The following IL1RAPL1 variants were observed in gnomAD, a reference collection of about 807,000 sequenced individuals.
IL1RAPL1 encodes interleukin-1 receptor accessory protein-like 1.
A neutral mutation model predicts 48.4 loss-of-function variants in IL1RAPL1; 3 were observed. The ratio of observed to expected loss-of-function variants is 0.06; its 90% CI spans 0.03 to 0.16. The LOEUF (loss-of-function observed/expected upper bound fraction) is 0.16. Ranked by LOEUF, IL1RAPL1 falls within the 10% of genes least tolerant of loss-of-function variation. The probability of loss-of-function intolerance (pLI) is 1.00; values close to 1 mark genes in which losing one functional copy is unlikely to be tolerated. For missense variants in IL1RAPL1, 349 were observed against 530.6 expected (o/e 0.66, Z 3.36); for synonymous variants, 185 against 187.7 (o/e 0.99, Z 0.12).
At chrX:28,745,734 A>G (rs1037329815) in intron 1 of IL1RAPL1, among the ~76,000 whole-genome samples, 2 of 111,835 alleles carry the variant, frequency 1.8e-5, no homozygotes, top group Non-Finnish European at 3.8e-5. Flanking sequence ...TTGAAGTAGA[A>G]CAGACTAATA....
chrX:29,819,445 C>G (rs1339182600), intron 6 of IL1RAPL1, among the ~76,000 whole-genome samples: 1 of 111,398 alleles, frequency 9.0e-6, no homozygotes, highest in African/African-American at 3.3e-5. Context: ...TCCTCAACTG[C>G]TTTAATACCA....
intron 2 of IL1RAPL1, among the ~76,000 whole-genome samples, chrX:29,227,779 C>A (rs1458837344): frequency 9.0e-6 from 1 of 111,388 alleles, no homozygotes; most frequent in Admixed American, 9.6e-5. Flanking sequence ...AGACAGAGAA[C>A]CATTTCCTAT....
intron 3 of IL1RAPL1, among the ~76,000 whole-genome samples, chrX:29,329,728 G>A (rs1230859487): frequency 1.8e-5 from 2 of 108,262 alleles, no homozygotes; most frequent in African/African-American, 3.4e-5. Flanking sequence ...CAGGAGAATC[G>A]CTTGAACCCA....
chrX:28,852,599 C>G (rs1185977615), intron 2 of IL1RAPL1, among the ~76,000 whole-genome samples: 1 of 111,131 alleles, frequency 9.0e-6, no homozygotes, highest in Admixed American at 9.6e-5. Context: ...CTTTTTCTAC[C>G]CTCTTAATTT....
At chrX:29,097,764 A>C (rs1928246703) in intron 2 of IL1RAPL1, among the ~76,000 whole-genome samples, 1 of 111,995 alleles carries the variant, frequency 8.9e-6, no homozygotes, top group Non-Finnish European at 1.9e-5. Context: ...CTGATTATAC[A>C]CCACCTCTTA....
At chrX:29,443,122 A>G (rs1267071910) in intron 5 of IL1RAPL1, among the ~76,000 whole-genome samples, 1 of 110,344 alleles carries the variant, frequency 9.1e-6, no homozygotes, top group Non-Finnish European at 1.9e-5. Context: ...CCTTAGTAGA[A>G]TCATATATAT....
At chrX:29,596,644 G>A (rs1446175957) in intron 5 of IL1RAPL1, among the ~76,000 whole-genome samples, 3 of 111,473 alleles carry the variant, frequency 2.7e-5, no homozygotes, top group African/African-American at 9.8e-5. Context: ...GAGTCTTTAG[G>A]ATTTTCTAAG....
rs749823474 is a variant in IL1RAPL1 at position 29,508,105 on chromosome X, T to A, written c.703+108797T>A. Among the ~76,000 whole-genome samples the A allele has an allele frequency of 3.6e-5, 4 of 112,140 alleles. No homozygotes were observed. The South Asian group carries it at 1.5e-3, about 41-fold the overall frequency. ...TCAATCTCCTCCTTCTACTGTTTTT[T>A]TTAATACTTAAAAACATTATCTGGA... is the stretch of plus-strand genomic sequence containing the variant. On this transcript the variant is annotated intron_variant, in intron 5 of 10. Coordinates refer to ENST00000378993, the MANE Select transcript of IL1RAPL1 (RefSeq NM_014271.4).
At chrX:29,170,168 T>C (rs1347320335) in intron 2 of IL1RAPL1, among the ~76,000 whole-genome samples, 5 of 111,850 alleles carry the variant, frequency 4.5e-5, no homozygotes, top group Non-Finnish European at 9.4e-5. Flanking sequence ...TGTTCCCTTT[T>C]ATATCAACAA....
At chrX:29,352,611 A>AC (rs1025269839) in intron 3 of IL1RAPL1, among the ~76,000 whole-genome samples, 2 of 53,882 alleles carry the variant, frequency 3.7e-5, no homozygotes, top group Admixed American at 2.4e-4. Context: ...CCAAGCCCCC[A>AC]CCCCCCATCC....
At chrX:29,121,264 T>G (rs1486355181) in intron 2 of IL1RAPL1, among the ~76,000 whole-genome samples, 1 of 111,698 alleles carries the variant, frequency 9.0e-6, no homozygotes, top group Admixed American at 9.5e-5. Context: ...AAAAAGAAAA[T>G]AAAAGGTACA....
intron 2 of IL1RAPL1, among the ~76,000 whole-genome samples, chrX:29,046,838 C>T (rs1428152345): frequency 8.9e-6 from 1 of 112,139 alleles, no homozygotes; most frequent in African/African-American, 3.2e-5. Context: ...CATTCATCAG[C>T]TCAATAGGCT....
In IL1RAPL1 at chrX:29,394,202, T is replaced by A. The variant is rs184717474; in HGVS notation, c.363-2056T>A. Among the ~76,000 whole-genome samples the A allele has an allele frequency of 6.3e-5, 7 of 110,964 alleles. 1 individual carries two copies. The East Asian group carries it at 2.0e-3, about 31-fold the overall frequency. On this transcript the variant is annotated intron_variant, in intron 3 of 10. Coordinates refer to ENST00000378993, the MANE Select transcript of IL1RAPL1 (RefSeq NM_014271.4). ...TCTGTCCCAATGTGTATTGCTTTCA[T>A]TGGGGCTGCCATTTGTTTCTGAGTG...
chrX:29,025,940 A>T (rs947229153), intron 2 of IL1RAPL1, among the ~76,000 whole-genome samples: 21 of 111,918 alleles, frequency 1.9e-4, no homozygotes, highest in African/African-American at 6.8e-4. Flanking sequence ...ACACCTAGAA[A>T]TGTTGAGACT....
At position 29,379,950 on chromosome X, in the gene IL1RAPL1, A is replaced by G. The variant is rs138469654; in HGVS notation, c.363-16308A>G. Among the ~76,000 whole-genome samples, 546 of 109,299 alleles carry G rather than the reference A, an allele frequency of 5.0e-3. 3 individuals are homozygous for G. Among genetic ancestry groups the G allele is most frequent in the African/African-American group, 0.017 (516 of 29,978 alleles). 94.9% of individuals were successfully genotyped at this position (109,299 alleles called of 115,157 possible). ...CCCTTCCCTGCCTCTGATAACCACTATTCTACTCTTTACTTCATGAGATGT... is the reference window on the plus strand; with the variant it reads ...CCCTTCCCTGCCTCTGATAACCACTGTTCTACTCTTTACTTCATGAGATGT... On this transcript the variant is annotated intron_variant, in intron 3 of 10. Coordinates refer to ENST00000378993, the MANE Select transcript of IL1RAPL1 (RefSeq NM_014271.4).
At chrX:29,207,027 C>G (rs7888400) in intron 2 of IL1RAPL1, among the ~76,000 whole-genome samples, 11,722 of 111,147 alleles carry the variant, frequency 0.11, 706 homozygotes, top group East Asian at 0.38. Flanking sequence ...ACCCCAAGGG[C>G]TAGAAATGTG....
intron 2 of IL1RAPL1, among the ~76,000 whole-genome samples, chrX:28,906,063 G>A: frequency 8.9e-6 from 1 of 112,164 alleles, no homozygotes; most frequent in Middle Eastern, 4.6e-3. Context: ...AAGGCAAGAG[G>A]GAATCCATGA....
intron 2 of IL1RAPL1, among the ~76,000 whole-genome samples, chrX:29,176,025 G>A (rs1930009660): frequency 9.4e-6 from 1 of 106,447 alleles, no homozygotes; most frequent in African/African-American, 3.4e-5. Flanking sequence ...TACACAACTT[G>A]TTAGGCCTCA....
At chrX:29,589,494 G>A (rs1366876692) in intron 5 of IL1RAPL1, among the ~76,000 whole-genome samples, 3 of 110,873 alleles carry the variant, frequency 2.7e-5, no homozygotes, top group Admixed American at 1.9e-4. Flanking sequence ...TTGATTTTTG[G>A]TATAAAATGT....
Sources: allele counts gnomAD v4.1 joint callset (sites outside exome capture counted in the v4.1 genomes callset), GRCh38; gene constraint gnomAD v4.1.1; transcripts MANE v1.5; gene names NCBI Gene and HGNC (gene_info 2026-07-23, HGNC 2026-07-21).